LVRN: variants seen among roughly 807,000 people sequenced by gnomAD.
The protein encoded by LVRN is aminopeptidase Q.
LVRN carries 99 observed loss-of-function variants against 111.4 expected under a neutral mutation model. That is an observed-to-expected ratio of 0.89 (90% CI 0.76 to 1.05). The LOEUF is 1.05. Ranked by LOEUF, LVRN falls within the 50% of genes least tolerant of loss-of-function variation. The pLI is 0.00. For synonymous variants in LVRN, 488 were observed against 449.5 expected, an observed-to-expected ratio of 1.09 and a Z score of -1.08; for missense variants, 1,414 against 1,206.8, an observed-to-expected ratio of 1.17 and a Z score of -2.54.
chr5:115,968,676 G>A (rs898538106), intron 1 of LVRN, among the ~76,000 whole-genome samples: 6 of 152,152 alleles, frequency 3.9e-5, no homozygotes, highest in African/African-American at 1.2e-4. Flanking sequence ...GAAGGTGGGG[G>A]AAGACAGAGA....
intron 18 of LVRN, chr5:116,021,660 C>G (rs868350856): frequency 4.6e-6 from 2 of 436,686 alleles, no homozygotes; most frequent in Middle Eastern, 5.4e-4. Context: ...CTTGGTCAGT[C>G]CATTATAATA....
At chr5:115,974,873 C>T (rs567273858) in intron 1 of LVRN, 20 of 414,012 alleles carry the variant, frequency 4.8e-5, no homozygotes, top group African/African-American at 3.3e-4. Context: ...CTCTCCCGAC[C>T]AATCTCTCTG....
chr5:115,983,508 A>G, intron 2 of LVRN, 79 bp downstream of exon 2: 1 of 1,455,814 alleles, frequency 6.9e-7, no homozygotes. Context: ...TAGCTTTTCT[A>G]GGCAGTGTAT....
At chr5:116,014,639 G>C in intron 16 of LVRN, 112 bp downstream of exon 16, 1 of 803,390 alleles carries the variant, frequency 1.2e-6, no homozygotes, top group Non-Finnish European at 2.1e-6. Flanking sequence ...TTGGTTAGGC[G>C]CTCTCTCCTA....
In LVRN at chr5:115,993,806, T is replaced by G. The variant is rs1448554783; in HGVS notation, c.1326T>G (p.Ser442=). 1 of 1,610,478 alleles carries G rather than the reference T, an allele frequency of 6.2e-7. No homozygotes were observed. ...NNIWLNEGFA[S]YFEFEVINYF... is the part of the protein sequence containing the mutation. ...TCTGGCTCAACGAGGGTTTTGCATCTTATTTTGAGTTTGAAGTAATTAACT... is the reference window on the plus strand; with the variant it reads ...TCTGGCTCAACGAGGGTTTTGCATCGTATTTTGAGTTTGAAGTAATTAACT... The change falls in exon 6 of 20, where the codon TCT becomes TCG. Residue 442 remains serine (S), a synonymous_variant. Coordinates refer to ENST00000357872, the MANE Select transcript of LVRN (RefSeq NM_173800.5).
intron 6 of LVRN, among the ~76,000 whole-genome samples, chr5:115,999,080 ACTTCTCCACTGGT>A (rs1748181551): frequency 6.6e-6 from 1 of 152,170 alleles, no homozygotes; most frequent in African/African-American, 2.4e-5. Flanking sequence ...TGCCGGTATA[ACTTCTCCACTGGT>A]CTTTGCTCTA....
At chr5:115,971,120 G>C (rs909202289) in intron 1 of LVRN, among the ~76,000 whole-genome samples, 1 of 152,052 alleles carries the variant, frequency 6.6e-6, no homozygotes, top group Non-Finnish European at 1.5e-5. Flanking sequence ...AAAATGTTGT[G>C]CATCATTTTC....
intron 18 of LVRN, chr5:116,020,929 T>C (rs1025719985): frequency 6.6e-6 from 1 of 152,264 alleles, no homozygotes; most frequent in Non-Finnish European, 1.5e-5. Context: ...TTTGACTTCA[T>C]ATTAATTAGA....
At chr5:116,020,761 G>GAATC (rs950486535) in intron 18 of LVRN, among the ~76,000 whole-genome samples, 1 of 152,158 alleles carries the variant, frequency 6.6e-6, no homozygotes, top group Non-Finnish European at 1.5e-5. Flanking sequence ...TTGCCAGAAG[G>GAATC]AATCTGACAT....
At chr5:115,969,799 CAAAA>C (rs35835980) in intron 1 of LVRN, among the ~76,000 whole-genome samples, 1 of 113,862 alleles carries the variant, frequency 8.8e-6, no homozygotes. Context: ...GACTCGATCT[CAAAA>C]AAAAAAAAAA....
At chr5:116,010,514 G>T in intron 13 of LVRN, 1 of 581,098 alleles carries the variant, frequency 1.7e-6, no homozygotes, top group Non-Finnish European at 3.2e-6. Flanking sequence ...ATTTTCTCTA[G>T]CCTTCAAGAC....
chr5:115,971,764 T>C (rs2112554734), intron 1 of LVRN, among the ~76,000 whole-genome samples: 1 of 152,242 alleles, frequency 6.6e-6, no homozygotes, highest in Non-Finnish European at 1.5e-5. Context: ...ATCTACCAAC[T>C]TTTTTCCAGT....
intron 1 of LVRN, among the ~76,000 whole-genome samples, chr5:115,968,697 T>A (rs2162755): frequency 0.13 from 19,930 of 152,140 alleles, 1,721 homozygotes; most frequent in African/African-American, 0.25. Flanking sequence ...AAAGAACAAA[T>A]GGAGAAAGCC....
chr5:115,975,190 T>C (rs928145508), intron 1 of LVRN: 2 of 479,678 alleles, frequency 4.2e-6, no homozygotes, highest in Non-Finnish European at 8.3e-6. Flanking sequence ...ATTCTGCCTG[T>C]CTGGGCGCAC....
At chr5:116,024,688 G>A (rs1005486554) in intron 19 of LVRN, among the ~76,000 whole-genome samples, 6 of 152,052 alleles carry the variant, frequency 3.9e-5, no homozygotes, top group African/African-American at 1.4e-4. Context: ...GAATAAATGA[G>A]GTTCGTATAA....
intron 1 of LVRN, among the ~76,000 whole-genome samples, chr5:115,964,907 G>T (rs1278089166): frequency 6.6e-6 from 1 of 152,190 alleles, no homozygotes; most frequent in East Asian, 1.9e-4. Context: ...GAAACCACAA[G>T]GAAAAGACAC....
At chr5:116,018,187 A>G (rs1341997912) in intron 18 of LVRN, among the ~76,000 whole-genome samples, 1 of 152,208 alleles carries the variant, frequency 6.6e-6, no homozygotes, top group Non-Finnish European at 1.5e-5. Context: ...ATTAATAACC[A>G]AGACTCAGAA....
chr5:115,986,459 G>T (rs7444478), intron 3 of LVRN, among the ~76,000 whole-genome samples: 48,555 of 151,996 alleles, frequency 0.32, 8,061 homozygotes, highest in Non-Finnish European at 0.34. Flanking sequence ...ACCCCGAAAA[G>T]GATGCCAGCT....
intron 3 of LVRN, among the ~76,000 whole-genome samples, chr5:115,986,104 A>T (rs945387549): frequency 1.3e-5 from 2 of 152,250 alleles, no homozygotes; most frequent in Admixed American, 1.3e-4. Flanking sequence ...TCCTAACTTA[A>T]TGAATTAATA....
Sources: allele counts gnomAD v4.1 joint callset (sites outside exome capture counted in the v4.1 genomes callset), GRCh38; gene constraint gnomAD v4.1.1; transcripts MANE v1.5; gene names NCBI Gene and HGNC (gene_info 2026-07-23, HGNC 2026-07-21).